BCO2: variants seen among roughly 807,000 people sequenced by gnomAD.
BCO2 encodes the protein carotenoid-cleaving dioxygenase, mitochondrial.
In BCO2, 56 loss-of-function variants were observed where a neutral mutation model predicts 65.8. The ratio of observed to expected loss-of-function variants is 0.85; its 90% CI spans 0.69 to 1.06. BCO2 has a LOEUF of 1.06. Ranked by LOEUF, BCO2 falls within the 50% of genes least tolerant of loss-of-function variation. The pLI is 0.00. For missense variants in BCO2, 675 were observed against 698.5 expected (o/e 0.97, Z 0.38); for synonymous variants, 233 against 242.3 (o/e 0.96, Z 0.36).
intron 8 of BCO2, among the ~76,000 whole-genome samples, chr11:112,210,789 C>T (rs1355281242): frequency 2.0e-5 from 3 of 149,984 alleles, no homozygotes; most frequent in Admixed American, 1.3e-4. Context: ...CACACGAATG[C>T]ATGTTAAACT....
intron 2 of BCO2, chr11:112,180,720 G>A: frequency 3.7e-6 from 3 of 801,418 alleles, no homozygotes; most frequent in African/African-American, 1.7e-5. Flanking sequence ...AAGGTGGGAG[G>A]AGGACCAGGT....
At chr11:112,190,766 G>C (rs956111165) in intron 2 of BCO2, among the ~76,000 whole-genome samples, 1 of 149,202 alleles carries the variant, frequency 6.7e-6, no homozygotes, top group East Asian at 2.0e-4. Flanking sequence ...TGAGGCAGGA[G>C]AATTGCTTGA....
At chr11:112,206,846 G>C (rs1859356033) in intron 8 of BCO2, among the ~76,000 whole-genome samples, 1 of 152,112 alleles carries the variant, frequency 6.6e-6, no homozygotes, top group African/African-American at 2.4e-5. Context: ...CATGAACATG[G>C]AATATCCCTC....
At chr11:112,178,945 A>C (rs1866955062) in intron 1 of BCO2, among the ~76,000 whole-genome samples, 1 of 152,234 alleles carries the variant, frequency 6.6e-6, no homozygotes, top group African/African-American at 2.4e-5. Context: ...TTATTCTTGT[A>C]AAAAGACAGG....
chr11:112,215,112 C>T (rs1032101407), intron 10 of BCO2, 168 bp downstream of exon 10: 3 of 647,736 alleles, frequency 4.6e-6, no homozygotes, highest in Non-Finnish European at 7.9e-6. Context: ...TATGTTCCTT[C>T]TAGGGAATCC....
At chr11:112,176,972 A>T (rs905953165) in intron 1 of BCO2, among the ~76,000 whole-genome samples, 2 of 152,188 alleles carry the variant, frequency 1.3e-5, no homozygotes, top group African/African-American at 4.8e-5. Context: ...TTCTATGGAA[A>T]CTTTGAAGAG....
chr11:112,177,841 C>A (rs1018512977), intron 1 of BCO2, among the ~76,000 whole-genome samples: 1 of 151,922 alleles, frequency 6.6e-6, no homozygotes, highest in Non-Finnish European at 1.5e-5. Flanking sequence ...TTAAATATTA[C>A]ACTGTGCTGC....
intron 8 of BCO2, among the ~76,000 whole-genome samples, chr11:112,212,672 T>A (rs1382803036): frequency 6.6e-6 from 1 of 152,126 alleles, no homozygotes; most frequent in African/African-American, 2.4e-5. Flanking sequence ...ACAACATGTG[T>A]AAAATGTTGT....
At chr11:112,202,269 TTCTCTCTC>T (rs377696576) in intron 8 of BCO2, 79 bp downstream of exon 8, 6 of 1,172,266 alleles carry the variant, frequency 5.1e-6, no homozygotes, top group African/African-American at 3.2e-5. Context: ...AATTACATGT[TTCTCTCTC>T]TCTCTCTCTC....
At chr11:112,214,391 C>T (rs1173545005) in intron 9 of BCO2, among the ~76,000 whole-genome samples, 1 of 152,112 alleles carries the variant, frequency 6.6e-6, no homozygotes, top group Non-Finnish European at 1.5e-5. Context: ...TCAGGTAATC[C>T]GCCCGCCTCA....
chr11:112,217,653 G>C lies in BCO2; in HGVS notation c.1627-108G>C, dbSNP rs564260331. The C allele has an allele frequency of 7.1e-5, 52 of 727,946 alleles. 1 individual carries two copies. In the South Asian group the frequency reaches 9.1e-4, roughly 13 times the overall value. 45.1% of individuals were successfully genotyped at this position (727,946 alleles called of 1,614,324 possible). ...TAGGATTACAGGTGTGAGCCACTGT[G>C]CCTGACCAACATGGTCTCTCCATTA... On this transcript the variant is annotated intron_variant, in intron 11 of 11. Coordinates refer to ENST00000357685, the MANE Select transcript of BCO2 (RefSeq NM_031938.7).
chr11:112,179,737 G>A, intron 2 of BCO2: 1 of 460,928 alleles, frequency 2.2e-6, no homozygotes, highest in South Asian at 2.3e-5. Flanking sequence ...GTCAGAAGCT[G>A]TCAGTGTGGT....
intron 2 of BCO2, chr11:112,181,529 A>G: frequency 2.7e-6 from 2 of 738,700 alleles, no homozygotes; most frequent in South Asian, 1.4e-5. Flanking sequence ...CCCATTTTGA[A>G]CTACTTGCAT....
At chr11:112,179,160 T>C in intron 1 of BCO2, 118 bp from the exon 2 acceptor site, 1 of 853,072 alleles carries the variant, frequency 1.2e-6, no homozygotes. Flanking sequence ...CTGTATTTGG[T>C]GTTAGGTTTA....
chr11:112,193,409 A>C (rs1468687638), intron 2 of BCO2, 65 bp from the exon 3 acceptor site: 108 of 1,368,634 alleles, frequency 7.9e-5, no homozygotes, highest in Non-Finnish European at 1.1e-4. Context: ...AAGATCTATC[A>C]CTCTGTCCCT....
intron 8 of BCO2, among the ~76,000 whole-genome samples, chr11:112,211,603 C>T (rs1252897418): frequency 6.6e-6 from 1 of 152,084 alleles, no homozygotes; most frequent in Non-Finnish European, 1.5e-5. Flanking sequence ...AGTTCCAGTT[C>T]TTCACGTTTT....
chr11:112,177,003 G>A (rs1002928545), intron 1 of BCO2, among the ~76,000 whole-genome samples: 2 of 152,174 alleles, frequency 1.3e-5, no homozygotes, highest in African/African-American at 4.8e-5. Context: ...ATTACCAGTA[G>A]CATGCAATAG....
At chr11:112,199,934 A>T (rs1236239474) in intron 6 of BCO2, 107 bp downstream of exon 6, 7 of 1,352,740 alleles carry the variant, frequency 5.2e-6, no homozygotes, top group Non-Finnish European at 7.1e-6. Context: ...CGCTATGGTG[A>T]TAATGAGACC....
Position 112,183,225 on chromosome 11 carries a change from T to G in BCO2, c.293+3743T>G, listed in dbSNP as rs1007599186. On this transcript the variant is annotated intron_variant, in intron 2 of 11. Transcript: ENST00000357685. ...AGGGACTGGAGGAAGATCTACAAGATGAAAATATTTTCCTTATCACTTTTC... is the reference window on the plus strand; with the variant it reads ...AGGGACTGGAGGAAGATCTACAAGAGGAAAATATTTTCCTTATCACTTTTC... 3.8e-6 allele frequency: 3 copies of G among 781,760 alleles called. No individual in the cohort carries two copies. The African/African-American group carries it at 5.1e-5, about 13-fold the overall frequency. The allele number at this position is 781,760 out of a possible 1,614,324, so 48.4% of individuals were successfully genotyped here. A position where few individuals can be genotyped will look rare whatever the true frequency, so the allele number is the denominator to read the frequency against.
Sources: allele counts gnomAD v4.1 joint callset (sites outside exome capture counted in the v4.1 genomes callset), GRCh38; gene constraint gnomAD v4.1.1; transcripts MANE v1.5; gene names NCBI Gene and HGNC (gene_info 2026-07-23, HGNC 2026-07-21).